The following ZBTB7C variants were observed in gnomAD, a reference collection of about 807,000 sequenced individuals.
The protein encoded by ZBTB7C is zinc finger and BTB domain-containing protein 7C.
A neutral mutation model predicts 25.7 loss-of-function variants in ZBTB7C; 8 were observed. That is an observed-to-expected ratio of 0.31 (90% CI 0.18 to 0.56). The LOEUF (loss-of-function observed/expected upper bound fraction) is 0.56. Among genes scored for constraint, ZBTB7C ranks in the 20% least tolerant of loss-of-function variants. ZBTB7C has a pLI of 0.91. For missense variants in ZBTB7C, 824 were observed against 855.2 expected, an observed-to-expected ratio of 0.96 and a Z score of 0.46; for synonymous variants, 394 against 369.0, an observed-to-expected ratio of 1.07 and a Z score of -0.78.
chr18:48,192,618 C>T (rs1455367849), intron 2 of ZBTB7C, among the ~76,000 whole-genome samples: 4 of 152,168 alleles, frequency 2.6e-5, no homozygotes, highest in Non-Finnish European at 5.9e-5. Context: ...CGTGGCACCA[C>T]GCCTGGCTAA....
intron 3 of ZBTB7C, among the ~76,000 whole-genome samples, chr18:48,167,553 G>A (rs1345840992): frequency 3.2e-5 from 2 of 62,894 alleles, no homozygotes; most frequent in Non-Finnish European, 7.8e-5. Context: ...GCAGGCCACT[G>A]CATTGCTAGG....
At chr18:48,357,090 C>A (rs1455014131) in intron 1 of ZBTB7C, among the ~76,000 whole-genome samples, 1 of 152,220 alleles carries the variant, frequency 6.6e-6, no homozygotes, top group Non-Finnish European at 1.5e-5. Context: ...AGCCTGCATT[C>A]TCCATGAGCA....
intron 1 of ZBTB7C, among the ~76,000 whole-genome samples, chr18:48,387,248 T>C (rs1180055336): frequency 1.3e-5 from 2 of 152,222 alleles, no homozygotes; most frequent in Non-Finnish European, 2.9e-5. Context: ...GTCTGGTTTC[T>C]GAACTCATTG....
chr18:48,112,571 C>T (rs182245904), intron 3 of ZBTB7C, among the ~76,000 whole-genome samples: 1 of 152,226 alleles, frequency 6.6e-6, no homozygotes, highest in Admixed American at 6.5e-5. Flanking sequence ...TAGTCTTGAA[C>T]TCCTGAACTC....
At chr18:48,267,169 C>A (rs567721932) in intron 2 of ZBTB7C, among the ~76,000 whole-genome samples, 1 of 152,320 alleles carries the variant, frequency 6.6e-6, no homozygotes, top group South Asian at 2.1e-4. Context: ...AGCCCAGCCT[C>A]CTCCATTGCT....
chr18:48,038,830 C>T (rs562860362), intron 4 of ZBTB7C, among the ~76,000 whole-genome samples: 7 of 152,260 alleles, frequency 4.6e-5, no homozygotes, highest in Admixed American at 1.3e-4. Context: ...GGGCAGGCAT[C>T]GCCAGGCTCT....
At chr18:48,070,022 A>G (rs1018920089) in intron 3 of ZBTB7C, among the ~76,000 whole-genome samples, 2 of 152,168 alleles carry the variant, frequency 1.3e-5, no homozygotes, top group African/African-American at 2.4e-5. Flanking sequence ...TGAGCCTCTC[A>G]GAGCTGAAGT....
intron 3 of ZBTB7C, chr18:48,148,907 G>T (rs1015696066): frequency 6.6e-5 from 10 of 152,156 alleles, no homozygotes; most frequent in African/African-American, 2.2e-4. Context: ...TGGCTGTGAA[G>T]AGAAATTTTT....
intron 1 of ZBTB7C, among the ~76,000 whole-genome samples, chr18:48,405,577 C>G (rs567948740): frequency 6.6e-6 from 1 of 152,224 alleles, no homozygotes; most frequent in Admixed American, 6.5e-5. Flanking sequence ...TGTAACCCAT[C>G]GTTTCTCAGC....
intron 1 of ZBTB7C, among the ~76,000 whole-genome samples, chr18:48,390,022 G>C (rs926593967): frequency 6.6e-6 from 1 of 152,124 alleles, no homozygotes; most frequent in Admixed American, 6.5e-5. Context: ...ATGAAGCTAT[G>C]GCCGGCCATC....
At chr18:48,060,759 G>A (rs1181328546) in intron 3 of ZBTB7C, among the ~76,000 whole-genome samples, 1 of 152,144 alleles carries the variant, frequency 6.6e-6, no homozygotes, top group Non-Finnish European at 1.5e-5. Flanking sequence ...CTCACCACAT[G>A]GAGATGTAAG....
chr18:48,036,234 G>A (rs894070101), intron 4 of ZBTB7C, among the ~76,000 whole-genome samples: 2 of 152,210 alleles, frequency 1.3e-5, no homozygotes, highest in Non-Finnish European at 2.9e-5. Context: ...ATTGTGGGGC[G>A]GCCTCTGTCC....
intron 3 of ZBTB7C, among the ~76,000 whole-genome samples, chr18:48,115,729 G>A (rs1012849078): frequency 6.6e-6 from 1 of 152,110 alleles, no homozygotes; most frequent in Non-Finnish European, 1.5e-5. Context: ...ATATATCTAG[G>A]AGTGAAATAT....
Position 48,202,806 on chromosome 18 carries a change from G to A in ZBTB7C, c.-78-16811C>T, listed in dbSNP as rs192011689. Among the ~76,000 whole-genome samples the A allele has an allele frequency of 2.5e-3, 375 of 152,170 alleles. 2 individuals carry two copies. The highest frequency in any genetic ancestry group is 0.015 in the South Asian group (72 of 4,806). On this transcript the variant is annotated intron_variant, in intron 2 of 4. Transcript: ENST00000590800. ...CCTCTCCCCTGCAGCTTTACCCCAGGAGATAAAGAGTGTCCATGTAGCCAG... is the reference window on the plus strand; with the variant it reads ...CCTCTCCCCTGCAGCTTTACCCCAGAAGATAAAGAGTGTCCATGTAGCCAG...
At chr18:48,236,957 A>C (rs1483790754) in intron 2 of ZBTB7C, among the ~76,000 whole-genome samples, 2 of 152,226 alleles carry the variant, frequency 1.3e-5, no homozygotes, top group Non-Finnish European at 2.9e-5. Context: ...CAGATTAGCA[A>C]TGGCAACCAT....
chr18:48,136,262 G>C (rs1257168803), intron 3 of ZBTB7C, among the ~76,000 whole-genome samples: 2 of 152,172 alleles, frequency 1.3e-5, no homozygotes, highest in Non-Finnish European at 2.9e-5. Flanking sequence ...CACCCACACC[G>C]GGCCGTCTCC....
At chr18:48,142,122 G>C (rs922632004) in intron 3 of ZBTB7C, among the ~76,000 whole-genome samples, 4 of 152,238 alleles carry the variant, frequency 2.6e-5, no homozygotes, top group South Asian at 2.1e-4. Context: ...TGTGTGTTAG[G>C]GGGGCAACCC....
At position 48,330,321 on chromosome 18, in the gene ZBTB7C, A is replaced by C. The variant is rs933558846; in HGVS notation, c.-79+7853T>G. ...GCCTTCTCTTTAATTTCTGCTGTGC[A>C]AATTAAAGGATGATGTGGACTTTTA... is the stretch of plus-strand genomic sequence containing the variant. On this transcript the variant is annotated intron_variant, in intron 2 of 4. Transcript: ENST00000590800. Among the ~76,000 whole-genome samples, 4 of 152,134 alleles carry C rather than the reference A, an allele frequency of 2.6e-5. No homozygotes were observed. The South Asian group carries it at 6.2e-4, about 24-fold the overall frequency.
chr18:48,051,145 AT>A (rs1247280061), intron 3 of ZBTB7C, among the ~76,000 whole-genome samples: 1 of 152,194 alleles, frequency 6.6e-6, no homozygotes, highest in Non-Finnish European at 1.5e-5. Context: ...CTACACCAGC[AT>A]TGGTTTGATT....
Sources: allele counts gnomAD v4.1 joint callset (sites outside exome capture counted in the v4.1 genomes callset), GRCh38; gene constraint gnomAD v4.1.1; transcripts MANE v1.5; gene names NCBI Gene and HGNC (gene_info 2026-07-23, HGNC 2026-07-21).